TDP1: variants seen among roughly 807,000 people sequenced by gnomAD.
TDP1 encodes the protein tyr-DNA phosphodiesterase 1.
TDP1 carries 64 observed loss-of-function variants against 81.5 expected under a neutral mutation model. The ratio of observed to expected loss-of-function variants is 0.79; its 90% CI spans 0.64 to 0.97. The LOEUF is 0.97. Ranked by LOEUF, TDP1 falls within the 50% of genes least tolerant of loss-of-function variation. The probability of loss-of-function intolerance (pLI) is 0.00; values close to 1 mark genes in which losing one functional copy is unlikely to be tolerated. For missense variants in TDP1, 723 were observed against 743.8 expected (o/e 0.97, Z 0.33); for synonymous variants, 256 against 264.3 (o/e 0.97, Z 0.30).
intron 6 of TDP1, among the ~76,000 whole-genome samples, chr14:89,974,595 G>A (rs1383548144): frequency 6.6e-6 from 1 of 152,196 alleles, no homozygotes; most frequent in Non-Finnish European, 1.5e-5. Context: ...GTAGGTAGTG[G>A]GGAGAGGTTG....
In TDP1 at chr14:90,023,020, G is replaced by GCTGT. The variant is rs1311556155; in HGVS notation, c.1644+3605_1644+3608dup. ...TCAGTCCCACACATACCCTGTGCCTGCTGTCTTCCAGGCCCCTGCGAAGAG... is the reference window on the plus strand; with the variant it reads ...TCAGTCCCACACATACCCTGTGCCTGCTGTCTGTCTTCCAGGCCCCTGCGAAGAG... On this transcript the variant is annotated intron_variant, in intron 15 of 16. Transcript: ENST00000335725. 7 of 761,804 alleles carry GCTGT rather than the reference G, an allele frequency of 9.2e-6. No homozygotes were observed. The Admixed American group carries it at 1.2e-4, about 13-fold the overall frequency. The allele number at this position is 761,804 out of a possible 1,614,324, so 47.2% of individuals were successfully genotyped here.
chr14:89,983,028 T>TA (rs1339161322), intron 8 of TDP1: 1 of 436,204 alleles, frequency 2.3e-6, no homozygotes, highest in Non-Finnish European at 4.5e-6. Context: ...CTCATTATAA[T>TA]AATTTTCTCA....
At chr14:89,976,255 G>A (rs34601269) in intron 7 of TDP1, among the ~76,000 whole-genome samples, 8,523 of 151,818 alleles carry the variant, frequency 0.056, 503 homozygotes, top group African/African-American at 0.15. Flanking sequence ...ACAGGCACAC[G>A]CCACCATGCC....
At chr14:89,957,830 C>G (rs1450957782) in intron 2 of TDP1, among the ~76,000 whole-genome samples, 1 of 152,256 alleles carries the variant, frequency 6.6e-6, no homozygotes, top group Non-Finnish European at 1.5e-5. Context: ...TCTCTTAACA[C>G]ATGACACAGG....
At chr14:90,007,589 G>A (rs758289342) in intron 14 of TDP1, among the ~76,000 whole-genome samples, 5 of 152,080 alleles carry the variant, frequency 3.3e-5, no homozygotes, top group East Asian at 3.9e-4. Context: ...ACCCTGTCTC[G>A]GGGCGGGAAA....
At chr14:89,970,953 C>G (rs1893559393) in intron 5 of TDP1, 2 of 193,826 alleles carry the variant, frequency 1.0e-5, no homozygotes, top group South Asian at 3.6e-4. Flanking sequence ...ATTCTCATGC[C>G]TCAGCCCCAG....
Position 90,012,839 on chromosome 14 carries a change from G to A in TDP1, c.1542-6477G>A, listed in dbSNP as rs140296675. Among the ~76,000 whole-genome samples the A allele has an allele frequency of 1.2e-4, 18 of 152,298 alleles. No individual in the cohort carries two copies. In the East Asian group the frequency reaches 3.5e-3, roughly 30 times the overall value. ...CGGCCCCTGAAAGCAGCCAAGAAGG[G>A]GGGCTATGCCCTGCAAAGCTACAGG... On this transcript the variant is annotated intron_variant, in intron 14 of 16. Coordinates refer to ENST00000335725, the MANE Select transcript of TDP1 (RefSeq NM_018319.4).
intron 3 of TDP1, among the ~76,000 whole-genome samples, chr14:89,964,063 C>T (rs537804921): frequency 3.3e-5 from 5 of 152,280 alleles, no homozygotes; most frequent in South Asian, 2.1e-4. Context: ...TGCAAATTCT[C>T]GGGCCCCATT....
chr14:89,985,020 G>A, intron 9 of TDP1, 112 bp from the exon 10 acceptor site: 1 of 1,327,572 alleles, frequency 7.5e-7, no homozygotes, highest in Admixed American at 2.6e-5. Context: ...AAAATGGATT[G>A]GCTCTTAGAT....
chr14:90,044,067 C>T lies in TDP1; in HGVS notation c.*924C>T, dbSNP rs1194554693. ...AGCGGCTTTTCATAGCTTTCAGCTT[C>T]AGCTTTACGAGGCTTCTCCTCTCTC... On this transcript the variant is annotated 3_prime_UTR_variant, in exon 17 of 17. Transcript: ENST00000335725. 6.6e-6 allele frequency: 1 copy of T among 152,364 alleles called. No individual in the cohort carries two copies. Among genetic ancestry groups the T allele is most frequent in the Non-Finnish European group, 1.5e-5 (1 of 68,158 alleles). 9.4% of individuals were successfully genotyped at this position (152,364 alleles called of 1,614,324 possible).
rs764936943 is a variant in TDP1, at chr14:89,980,550, C to G, written c.802C>G (p.Leu268Val). 2.3e-5 allele frequency: 37 copies of G among 1,613,480 alleles called. No homozygotes were observed. The highest frequency in any genetic ancestry group is 3.1e-5 in the Non-Finnish European group (37 of 1,179,530). Residue 268 changes from leucine (L) to valine (V), a missense_variant, in exon 8 of 17, where the codon CTG (leucine) becomes GTG (valine). Transcript: ENST00000335725. Reference sequence around the variant, plus strand: ...TTGCTGTTTTTAAAGGAAAATGATGCTGCTGCTCTATGAAGAAGGCCTCCG... The same window carrying G: ...TTGCTGTTTTTAAAGGAAAATGATGGTGCTGCTCTATGAAGAAGGCCTCCG... Reference protein sequence around the residue: ...AFGTHHTKMMLLLYEEGLRVV... With the variant: ...AFGTHHTKMMVLLYEEGLRVV...
intron 2 of TDP1, among the ~76,000 whole-genome samples, chr14:89,960,122 T>C (rs1892152954): frequency 6.6e-6 from 1 of 152,212 alleles, no homozygotes; most frequent in Non-Finnish European, 1.5e-5. Context: ...AGAGTGGTTT[T>C]TCCTAAGGTG....
intron 15 of TDP1, among the ~76,000 whole-genome samples, chr14:90,028,340 A>T (rs893352463): frequency 6.6e-6 from 1 of 152,240 alleles, no homozygotes; most frequent in Non-Finnish European, 1.5e-5. Flanking sequence ...CTACTCGGAT[A>T]GCTGCAAATA....
At chr14:89,992,053 GTTTT>G in intron 13 of TDP1, 70 bp downstream of exon 13, 1 of 1,106,236 alleles carries the variant, frequency 9.0e-7, no homozygotes, top group Non-Finnish European at 1.3e-6. Flanking sequence ...TCACTGGTTT[GTTTT>G]TTTTTTTAAA....
chr14:90,036,643 T>A (rs1044291213), intron 16 of TDP1, among the ~76,000 whole-genome samples: 5 of 152,190 alleles, frequency 3.3e-5, no homozygotes, highest in African/African-American at 1.2e-4. Context: ...CAGATCTATA[T>A]TGAGAGCCTA....
rs35702004 is a variant in TDP1 at position 89,984,365 on chromosome 14, T to G, written c.885-151T>G. On this transcript the variant is annotated intron_variant, in intron 8 of 16. Coordinates refer to ENST00000335725, the MANE Select transcript of TDP1 (RefSeq NM_018319.4). ...TGATGAGAAACCATTGGAGTGGTGT[T>G]CTCAGATTTATGTTTCATGTTTCCT... 105,644 of 1,532,680 alleles carry G rather than the reference T, an allele frequency of 0.069. 11,396 individuals carry two copies. Among genetic ancestry groups the G allele is most frequent in the African/African-American group, 0.5 (36,434 of 72,586 alleles). 94.9% of individuals were successfully genotyped at this position (1,532,680 alleles called of 1,614,324 possible).
intron 3 of TDP1, among the ~76,000 whole-genome samples, chr14:89,963,889 C>T (rs140957738): frequency 1.1e-3 from 162 of 152,344 alleles, no homozygotes; most frequent in Admixed American, 3.1e-3. Context: ...CCCTGTAGCT[C>T]AACCCCTTAT....
At chr14:89,970,182 T>A (rs563270315) in intron 5 of TDP1, among the ~76,000 whole-genome samples, 55 of 152,332 alleles carry the variant, frequency 3.6e-4, no homozygotes, top group African/African-American at 1.3e-3. Flanking sequence ...GGCCGAAATA[T>A]ACTTATTTCT....
At position 90,043,109 on chromosome 14, in the gene TDP1, C is replaced by CGGAT; in HGVS notation, c.1794_1797dup (p.Thr600GlyfsTer20). ...TGGAACATTCCTTATGTCAAAGCAC[C>CGGAT]GGATACGCATGGGAACATGTGGGTG... On this transcript the variant is annotated frameshift_variant, in exon 17 of 17. Coordinates refer to ENST00000335725, the MANE Select transcript of TDP1 (RefSeq NM_018319.4). LOFTEE classifies it high-confidence loss of function. The CGGAT allele has an allele frequency of 6.2e-7, 1 of 1,614,138 alleles. No homozygotes were observed. Among genetic ancestry groups the CGGAT allele is most frequent in the Non-Finnish European group, 8.5e-7 (1 of 1,180,020 alleles).
Sources: gnomAD v4.1 joint callset for allele counts (sites outside exome capture counted in the v4.1 genomes callset) on GRCh38, gnomAD v4.1.1 for gene constraint, MANE v1.5 for transcripts, NCBI Gene and HGNC (gene_info 2026-07-23, HGNC 2026-07-21) for gene names.